Variants in PTGIS observed in about 807,000 individuals in gnomAD.
The protein encoded by PTGIS is prostacyclin synthase.
PTGIS carries 45 observed loss-of-function variants against 50.3 expected under a neutral mutation model. The observed-to-expected ratio is 0.90, with a 90% confidence interval of 0.70 to 1.15. The LOEUF (loss-of-function observed/expected upper bound fraction) is 1.15. Among genes scored for constraint, PTGIS ranks in the 50% most tolerant of loss-of-function variants. The pLI is 0.00. For synonymous variants in PTGIS, 260 were observed against 267.7 expected (o/e 0.97, Z 0.28); for missense variants, 668 against 661.3 (o/e 1.01, Z -0.11).
chr20:49,568,124 C>CTGGCGGGGT lies in PTGIS; in HGVS notation c.-9_-8insACCCCGCCA. ...GAGCGCGGCCCAAGCCATCGCGGGGCTGGCGGGGCTGGCGGGGCTGGCGGG... is the reference window on the plus strand; with the variant it reads ...GAGCGCGGCCCAAGCCATCGCGGGGCTGGCGGGGTTGGCGGGGCTGGCGGGGCTGGCGGG... On this transcript the variant is annotated 5_prime_UTR_variant, in exon 1 of 10. Coordinates refer to ENST00000244043, the MANE Select transcript of PTGIS (RefSeq NM_000961.4). 9.1e-7 allele frequency: 1 copy of CTGGCGGGGT among 1,095,994 alleles called. No individual in the cohort carries two copies. The highest frequency in any genetic ancestry group is 1.2e-6 in the Non-Finnish European group (1 of 838,946). The allele number at this position is 1,095,994 out of a possible 1,614,324, so 67.9% of individuals were successfully genotyped here.
chr20:49,539,838 C>T (rs769879802), intron 4 of PTGIS, 117 bp from the exon 5 acceptor site: 3 of 1,366,988 alleles, frequency 2.2e-6, no homozygotes, highest in Non-Finnish European at 2.0e-6. Context: ...TACTGTGCGC[C>T]AAAGACCATT....
At chr20:49,547,293 G>A (rs1314346670) in intron 3 of PTGIS, among the ~76,000 whole-genome samples, 1 of 152,108 alleles carries the variant, frequency 6.6e-6, no homozygotes, top group Non-Finnish European at 1.5e-5. Context: ...ACCACTTCTG[G>A]CTATGTGGCC....
chr20:49,550,414 CAG>C (rs1982476758), intron 1 of PTGIS, among the ~76,000 whole-genome samples: 1 of 152,212 alleles, frequency 6.6e-6, no homozygotes, highest in Non-Finnish European at 1.5e-5. Context: ...CTGAAACCCT[CAG>C]AGTCATCTTT....
intron 5 of PTGIS, among the ~76,000 whole-genome samples, chr20:49,527,087 G>A (rs1369099725): frequency 6.6e-6 from 1 of 152,102 alleles, no homozygotes; most frequent in African/African-American, 2.4e-5. Context: ...CGGTTGATAG[G>A]TGAATGGATA....
intron 1 of PTGIS, among the ~76,000 whole-genome samples, chr20:49,561,377 C>T (rs1446429159): frequency 2.6e-5 from 4 of 152,198 alleles, no homozygotes; most frequent in Non-Finnish European, 5.9e-5. Flanking sequence ...CCCGGCTTCT[C>T]TAGTCAAAGA....
chr20:49,555,125 T>C (rs1490941905), intron 1 of PTGIS, among the ~76,000 whole-genome samples: 2 of 151,932 alleles, frequency 1.3e-5, no homozygotes, highest in African/African-American at 4.8e-5. Context: ...ACAAAAAAAT[T>C]GGCTGGGTGT....
intron 5 of PTGIS, among the ~76,000 whole-genome samples, chr20:49,531,830 TATA>T (rs1314462957): frequency 6.6e-6 from 1 of 152,202 alleles, no homozygotes; most frequent in African/African-American, 2.4e-5. Context: ...AAGGTCTGTC[TATA>T]TTGCCCAGGC....
intron 6 of PTGIS, 74 bp from the exon 7 acceptor site, chr20:49,514,469 G>A: frequency 6.4e-7 from 1 of 1,550,540 alleles, no homozygotes. Flanking sequence ...ACACAGCTCG[G>A]GCCAAGACAG....
chr20:49,524,509 A>G (rs920641317), intron 5 of PTGIS, among the ~76,000 whole-genome samples: 2 of 152,112 alleles, frequency 1.3e-5, no homozygotes, highest in African/African-American at 4.8e-5. Flanking sequence ...AATCACCTCT[A>G]TGTCCCCATC....
chr20:49,513,124 A>G lies in PTGIS; in HGVS notation c.1162T>C (p.Phe388Leu), dbSNP rs973616051. 6.8e-6 allele frequency: 11 copies of G among 1,614,142 alleles called. No homozygotes were observed. The highest frequency in any genetic ancestry group is 9.3e-6 in the Non-Finnish European group (11 of 1,180,020). Residue 388 changes from phenylalanine to leucine, a missense_variant, in exon 8 of 10, where the codon TTC becomes CTC. By Grantham distance (22) the Phe-to-Leu change is conservative. Transcript: ENST00000244043. ...TCTGGGTCTCTCTGGGGGCTCAGGAAGGGGAAGAGGAGGAGGCGGTCACCA... is the reference window on the plus strand; with the variant it reads ...TCTGGGTCTCTCTGGGGGCTCAGGAGGGGGAAGAGGAGGAGGCGGTCACCA... ...RRGDRLLLFP[F>L]LSPQRDPEIY... is the part of the protein sequence containing the mutation.
At chr20:49,513,468 C>T (rs777720681) in intron 7 of PTGIS, among the ~76,000 whole-genome samples, 7 of 151,962 alleles carry the variant, frequency 4.6e-5, no homozygotes, top group Non-Finnish European at 8.8e-5. Context: ...ATGAGGGTAT[C>T]CAGGTCTGAC....
At chr20:49,550,489 G>T (rs1434825816) in intron 1 of PTGIS, among the ~76,000 whole-genome samples, 2 of 152,130 alleles carry the variant, frequency 1.3e-5, no homozygotes, top group Admixed American at 6.5e-5. Flanking sequence ...CCCTGGCATT[G>T]TCCTTAACCT....
chr20:49,554,454 A>G (rs1237505128), intron 1 of PTGIS, among the ~76,000 whole-genome samples: 1 of 152,178 alleles, frequency 6.6e-6, no homozygotes, highest in Admixed American at 6.5e-5. Flanking sequence ...GGTGCTGTTT[A>G]GTTACAGGGC....
chr20:49,534,888 C>T (rs1309283015), intron 5 of PTGIS, among the ~76,000 whole-genome samples: 1 of 152,142 alleles, frequency 6.6e-6, no homozygotes, highest in Non-Finnish European at 1.5e-5. Flanking sequence ...TGCCTGTAGT[C>T]CCAGCTACTT....
chr20:49,543,935 T>C (rs1212019009), intron 4 of PTGIS, among the ~76,000 whole-genome samples: 2 of 152,190 alleles, frequency 1.3e-5, no homozygotes, highest in African/African-American at 4.8e-5. Flanking sequence ...TTAACATACA[T>C]TTACAAGACC....
intron 6 of PTGIS, among the ~76,000 whole-genome samples, chr20:49,522,500 G>A (rs566681475): frequency 3.3e-5 from 5 of 151,746 alleles, no homozygotes; most frequent in Non-Finnish European, 7.4e-5. Context: ...GTACTCAAAG[G>A]ATTTTTTTTA....
intron 2 of PTGIS, among the ~76,000 whole-genome samples, chr20:49,548,308 A>C (rs1982417064): frequency 6.6e-6 from 1 of 152,148 alleles, no homozygotes; most frequent in Admixed American, 6.5e-5. Flanking sequence ...GGCTTTTTAA[A>C]ATCAAAGACT....
At position 49,524,167 on chromosome 20, in the gene PTGIS, C is replaced by A. The variant is rs45571835; in HGVS notation, c.746G>T (p.Arg249Leu). 1 of 1,614,120 alleles carries A rather than the reference C, an allele frequency of 6.2e-7. No homozygotes were observed. The highest frequency in any genetic ancestry group is 8.5e-7 in the Non-Finnish European group (1 of 1,180,054). Residue 249 changes from arginine to leucine, a missense_variant, in exon 6 of 10, where the codon CGG (arginine) becomes CTG (leucine). Physicochemically the swap from Arg to Leu is moderately radical, Grantham distance 102. Transcript: ENST00000244043. ...CTCCAGCCATTTGCTCCGGTGGGCCCGCCTGGCCAGCCTGGCTGGGGATAG... is the reference window on the plus strand; with the variant it reads ...CTCCAGCCATTTGCTCCGGTGGGCCAGCCTGGCCAGCCTGGCTGGGGATAG... ...KLLSPARLAR[R>L]AHRSKWLESY...
intron 9 of PTGIS, 26 bp downstream of exon 9, chr20:49,511,002 T>A (rs369838581): frequency 2.5e-6 from 4 of 1,609,710 alleles, no homozygotes; most frequent in Non-Finnish European, 3.4e-6. Context: ...GGAGCCACCC[T>A]GGCCCTGCCC....
Sources: gnomAD v4.1 joint callset for allele counts (sites outside exome capture counted in the v4.1 genomes callset) on GRCh38, gnomAD v4.1.1 for gene constraint, MANE v1.5 for transcripts, NCBI Gene and HGNC (gene_info 2026-07-23, HGNC 2026-07-21) for gene names.